Variants in BARD1 observed in about 807,000 individuals in gnomAD.
BARD1 encodes BRCA1 associated RING domain 1.
In BARD1, 73 loss-of-function variants were observed where a neutral mutation model predicts 77.0. That is an observed-to-expected ratio of 0.95 (90% confidence interval 0.79 to 1.15). BARD1 has a LOEUF of 1.15. Ranked by LOEUF, BARD1 falls within the 50% of genes most tolerant of loss-of-function variation. The pLI is 0.00. For synonymous variants in BARD1, 384 were observed against 338.0 expected (o/e 1.14, Z -1.49); for missense variants, 993 against 938.8 (o/e 1.06, Z -0.75).
chr2:214,787,192 A>C (rs1192714649), intron 3 of BARD1, among the ~76,000 whole-genome samples: 1 of 151,922 alleles, frequency 6.6e-6, no homozygotes, highest in African/African-American at 2.4e-5. Flanking sequence ...AGGAAAATTA[A>C]GGCTTATATA....
intron 9 of BARD1, among the ~76,000 whole-genome samples, chr2:214,731,877 A>G (rs955757050): frequency 7.9e-5 from 12 of 152,240 alleles, no homozygotes; most frequent in Admixed American, 5.9e-4. Flanking sequence ...GTTAACATAA[A>G]GGAACAAAAG....
chr2:214,749,933 T>C (rs1164866504), intron 7 of BARD1, among the ~76,000 whole-genome samples: 1 of 152,134 alleles, frequency 6.6e-6, no homozygotes, highest in Non-Finnish European at 1.5e-5. Context: ...AACAGATTTA[T>C]AAGGCTGAAG....
rs1375445496 is a variant in BARD1 at position 214,806,839 on chromosome 2, A to G, written c.158+2573T>C. Among the ~76,000 whole-genome samples, 8 of 135,836 alleles carry G rather than the reference A, an allele frequency of 5.9e-5. No homozygotes were observed. The Admixed American group carries it at 6.9e-4, about 12-fold the overall frequency. 89.1% of individuals were successfully genotyped at this position (135,836 alleles called of 152,430 possible). ...CAGTGAGCTGAAATCATGCCACTGC[A>G]CTCCAGCTTGGGTGACAGAGTGAAA... On this transcript the variant is annotated intron_variant, in intron 1 of 10. Coordinates refer to ENST00000260947, the MANE Select transcript of BARD1 (RefSeq NM_000465.4).
intron 1 of BARD1, among the ~76,000 whole-genome samples, chr2:214,803,879 G>T (rs1348603187): frequency 6.6e-6 from 1 of 152,226 alleles, no homozygotes; most frequent in South Asian, 2.1e-4. Flanking sequence ...GGATAACTTA[G>T]GGAAGAATTA....
intron 6 of BARD1, among the ~76,000 whole-genome samples, chr2:214,759,903 T>C (rs564291310): frequency 2.6e-5 from 4 of 152,296 alleles, no homozygotes; most frequent in Admixed American, 6.5e-5. Context: ...CTTAGCTATT[T>C]TGCCTTGCCT....
chr2:214,764,034 A>C (rs916850476), intron 6 of BARD1, among the ~76,000 whole-genome samples: 1 of 152,200 alleles, frequency 6.6e-6, no homozygotes, highest in Non-Finnish European at 1.5e-5. Flanking sequence ...CATGGATGCC[A>C]ATTGGGCAAA....
intron 9 of BARD1, among the ~76,000 whole-genome samples, chr2:214,741,926 TA>T (rs34757725): frequency 0.45 from 69,025 of 151,946 alleles, 15,894 homozygotes; most frequent in East Asian, 0.56. Context: ...AAATCTTTTG[TA>T]TAATTCTTTT....
intron 9 of BARD1, chr2:214,731,006 T>A: frequency 2.3e-6 from 1 of 426,834 alleles, no homozygotes; most frequent in Non-Finnish European, 4.7e-6. Flanking sequence ...AGCACCAAGC[T>A]CAGCTAGCCA....
At chr2:214,738,560 C>G (rs919903043) in intron 9 of BARD1, among the ~76,000 whole-genome samples, 5 of 151,984 alleles carry the variant, frequency 3.3e-5, no homozygotes, top group African/African-American at 1.2e-4. Flanking sequence ...ATGTATATTT[C>G]TGTTTTAGCT....
chr2:214,789,565 T>A (rs1398123905), intron 3 of BARD1, among the ~76,000 whole-genome samples: 1 of 151,870 alleles, frequency 6.6e-6, no homozygotes, highest in Non-Finnish European at 1.5e-5. Context: ...AATAAATAAA[T>A]AATTTTAATT....
chr2:214,796,925 A>T, intron 2 of BARD1, 136 bp downstream of exon 2: 1 of 753,300 alleles, frequency 1.3e-6, no homozygotes, highest in South Asian at 1.5e-5. Flanking sequence ...TCAAACTAAG[A>T]TAATGTACAA....
chr2:214,772,726 T>C (rs1694562880), intron 4 of BARD1, among the ~76,000 whole-genome samples: 1 of 152,202 alleles, frequency 6.6e-6, no homozygotes, highest in Admixed American at 6.5e-5. Context: ...TCTCTAGTAC[T>C]TGAAAGTTTT....
At chr2:214,784,883 C>G (rs1248322228) in intron 3 of BARD1, among the ~76,000 whole-genome samples, 1 of 151,876 alleles carries the variant, frequency 6.6e-6, no homozygotes, top group Non-Finnish European at 1.5e-5. Context: ...TCCGATGGAG[C>G]GGGGTCAGGG....
At chr2:214,762,347 A>G (rs1191791931) in intron 6 of BARD1, among the ~76,000 whole-genome samples, 1 of 152,200 alleles carries the variant, frequency 6.6e-6, no homozygotes, top group Non-Finnish European at 1.5e-5. Flanking sequence ...AATACTTCTG[A>G]TCCCAAGCAT....
At chr2:214,746,129 C>T (rs1693106140) in intron 7 of BARD1, among the ~76,000 whole-genome samples, 1 of 152,138 alleles carries the variant, frequency 6.6e-6, no homozygotes, top group Non-Finnish European at 1.5e-5. Context: ...TTACTTCATT[C>T]AGTCACCAGT....
intron 4 of BARD1, among the ~76,000 whole-genome samples, chr2:214,776,166 C>G (rs1694729071): frequency 6.6e-6 from 1 of 152,118 alleles, no homozygotes; most frequent in Non-Finnish European, 1.5e-5. Context: ...TAAGTCATTG[C>G]TGTGGCATAA....
At chr2:214,776,556 G>A (rs1265751515) in intron 4 of BARD1, among the ~76,000 whole-genome samples, 1 of 152,140 alleles carries the variant, frequency 6.6e-6, no homozygotes, top group Non-Finnish European at 1.5e-5. Context: ...CTTACTGATA[G>A]GAGAGCAGAG....
At chr2:214,796,443 G>C (rs145781398) in intron 2 of BARD1, among the ~76,000 whole-genome samples, 1 of 152,188 alleles carries the variant, frequency 6.6e-6, no homozygotes, top group Admixed American at 6.5e-5. Flanking sequence ...TTGACACAGA[G>C]AGAAGCAAGC....
At chr2:214,744,914 A>G (rs1455014751) in intron 9 of BARD1, among the ~76,000 whole-genome samples, 153 bp downstream of exon 9, 1 of 152,124 alleles carries the variant, frequency 6.6e-6, no homozygotes, top group African/African-American at 2.4e-5. Flanking sequence ...TACAGGCTTG[A>G]GCCACCACGC....
Sources: gnomAD v4.1 joint callset for allele counts (sites outside exome capture counted in the v4.1 genomes callset) on GRCh38, gnomAD v4.1.1 for gene constraint, MANE v1.5 for transcripts, NCBI Gene and HGNC (gene_info 2026-07-23, HGNC 2026-07-21) for gene names.